NKAIN3: variants seen among roughly 807,000 people sequenced by gnomAD.
The protein encoded by NKAIN3 is sodium/potassium-transporting ATPase subunit beta-1-interacting protein 3.
In NKAIN3, 25 loss-of-function variants were observed where a neutral mutation model predicts 30.2. The observed-to-expected ratio is 0.83, with a 90% CI of 0.60 to 1.16. NKAIN3 has a LOEUF of 1.16. Among genes scored for constraint, NKAIN3 ranks in the 50% most tolerant of loss-of-function variants. The pLI is 0.00. For missense variants in NKAIN3, 225 were observed against 254.1 expected (o/e 0.89, Z 0.78); for synonymous variants, 91 against 89.6 (o/e 1.02, Z -0.09).
intron 4 of NKAIN3, among the ~76,000 whole-genome samples, chr8:62,756,571 T>G (rs957864217): frequency 2.6e-5 from 4 of 152,198 alleles, no homozygotes; most frequent in African/African-American, 9.6e-5. Flanking sequence ...CAATCCACTG[T>G]ATATTTTATC....
intron 4 of NKAIN3, among the ~76,000 whole-genome samples, chr8:62,903,509 T>C (rs1182803510): frequency 6.6e-6 from 1 of 152,052 alleles, no homozygotes; most frequent in Non-Finnish European, 1.5e-5. Context: ...CAGATAGGCC[T>C]GGGTGACAGT....
At chr8:62,542,488 A>C (rs148379574) in intron 1 of NKAIN3, among the ~76,000 whole-genome samples, 86 of 152,310 alleles carry the variant, frequency 5.6e-4, no homozygotes, top group Non-Finnish European at 1.1e-3. Context: ...GTATACTCAG[A>C]ATTTAGAAGA....
intron 3 of NKAIN3, among the ~76,000 whole-genome samples, chr8:62,619,903 A>G (rs902033694): frequency 9.8e-5 from 15 of 152,286 alleles, no homozygotes; most frequent in African/African-American, 3.6e-4. Flanking sequence ...AACAGAAAGA[A>G]TATGCTATAT....
chr8:62,624,828 G>A (rs1803733667), intron 3 of NKAIN3, among the ~76,000 whole-genome samples: 1 of 143,688 alleles, frequency 7.0e-6, no homozygotes, highest in Non-Finnish European at 1.5e-5. Context: ...TCTCAGTTTT[G>A]GAAGTTTCTA....
chr8:62,943,362 T>C (rs1417880035), intron 5 of NKAIN3, among the ~76,000 whole-genome samples: 1 of 147,802 alleles, frequency 6.8e-6, no homozygotes, highest in East Asian at 1.9e-4. Context: ...CTTGCAAGAA[T>C]GGTCATAATT....
chr8:62,582,126 CCTTCCTTT>C lies in NKAIN3; in HGVS notation c.192+2458_192+2465del, dbSNP rs1275612431. Among the ~76,000 whole-genome samples, 149 of 86,836 alleles carry C rather than the reference CCTTCCTTT, an allele frequency of 1.7e-3. 1 individual carries two copies. Among genetic ancestry groups the C allele is most frequent in the African/African-American group, 5.4e-3 (142 of 26,436 alleles). The allele number at this position is 86,836 out of a possible 152,430, so 57.0% of individuals were successfully genotyped here. ...TTCCTTCCTTCTTTCCTTTTTCCTT[CCTTCCTTT>C]CTTCCTTCCTTCCTTCTTCTTTCCC... On this transcript the variant is annotated intron_variant, in intron 2 of 6. Coordinates refer to ENST00000623646, the MANE Select transcript of NKAIN3 (RefSeq NM_001304533.3).
At chr8:62,607,779 C>A (rs1281726934) in intron 3 of NKAIN3, among the ~76,000 whole-genome samples, 1 of 151,934 alleles carries the variant, frequency 6.6e-6, no homozygotes, top group Admixed American at 6.6e-5. Context: ...AGGATGACTG[C>A]TATTGAAAGA....
rs938969145 is a variant in NKAIN3 at position 62,976,292 on chromosome 8, T to C, written c.*10885T>C. On this transcript the variant is annotated 3_prime_UTR_variant, in exon 7 of 7. Coordinates refer to ENST00000623646, the MANE Select transcript of NKAIN3 (RefSeq NM_001304533.3). The stretch of plus-strand genomic sequence containing the variant: ...TAATACACACAATGGAGTGTTAAAG[T>C]CTCCCACTATTATTGTGTGGTAGTC... Among the ~76,000 whole-genome samples the C allele has an allele frequency of 2.6e-5, 4 of 152,142 alleles. No homozygotes were observed. The highest frequency in any genetic ancestry group is 5.9e-5 in the Non-Finnish European group (4 of 68,026).
In NKAIN3 at chr8:62,579,603, A is replaced by G. The variant is rs953101340; in HGVS notation, c.119A>G (p.Asn40Ser). 3 of 1,610,492 alleles carry G rather than the reference A, an allele frequency of 1.9e-6. No individual in the cohort carries two copies. The highest frequency in any genetic ancestry group is 2.5e-6 in the Non-Finnish European group (3 of 1,177,548). The change falls in exon 2 of 7, where the codon AAT becomes AGT. Residue 40 changes from asparagine (N) to serine (S), a missense_variant. Asn to Ser is a conservative substitution (Grantham distance 46, BLOSUM62 1). Transcript: ENST00000623646. ...TTCCAGTGGGCGCCTATTCTTGGAA[A>G]TTTTCTACACATAATAGTTGTCATA... ...LGFQWAPILG[N>S]FLHIIVVILG...
chr8:62,290,785 A>G (rs4593678), intron 1 of NKAIN3, among the ~76,000 whole-genome samples: 3 of 152,064 alleles, frequency 2.0e-5, no homozygotes, highest in East Asian at 1.9e-4. Context: ...TGCTTTTTCT[A>G]TTGATTGGAA....
At chr8:62,940,935 A>G (rs1445643152) in intron 5 of NKAIN3, among the ~76,000 whole-genome samples, 2 of 125,760 alleles carry the variant, frequency 1.6e-5, no homozygotes, top group Non-Finnish European at 3.6e-5. Flanking sequence ...AAATATATTG[A>G]AAAAAAAAAA....
At chr8:62,770,617 CG>C in intron 4 of NKAIN3, among the ~76,000 whole-genome samples, 1 of 152,146 alleles carries the variant, frequency 6.6e-6, no homozygotes, top group East Asian at 1.9e-4. Context: ...ATCACATTGG[CG>C]GTTAGGATTT....
chr8:62,785,159 C>G (rs1817475667), intron 4 of NKAIN3, among the ~76,000 whole-genome samples: 1 of 152,104 alleles, frequency 6.6e-6, no homozygotes, highest in Non-Finnish European at 1.5e-5. Context: ...AATTTGTACA[C>G]AAATGTTCAC....
intron 4 of NKAIN3, among the ~76,000 whole-genome samples, chr8:62,762,023 G>T (rs949383575): frequency 3.9e-5 from 6 of 152,144 alleles, no homozygotes; most frequent in Non-Finnish European, 4.4e-5. Flanking sequence ...ACTTCTCTTA[G>T]GAAGTAGCAT....
At position 62,713,255 on chromosome 8, in the gene NKAIN3, A is replaced by T. The variant is rs142931695; in HGVS notation, c.274-33677A>T. 6.5e-4 allele frequency among the ~76,000 whole-genome samples: 99 copies of T among 151,948 alleles called. 1 individual carries two copies. The highest frequency in any genetic ancestry group is 2.1e-3 in the African/African-American group (87 of 41,418). ...GTCAGCTTCTTGGTTTTTATTTTTG[A>T]CTCTCATAGCATATGACAAAAGCTT... On this transcript the variant is annotated intron_variant, in intron 3 of 6. Coordinates refer to ENST00000623646, the MANE Select transcript of NKAIN3 (RefSeq NM_001304533.3).
At chr8:62,849,289 C>T (rs1212505221) in intron 4 of NKAIN3, among the ~76,000 whole-genome samples, 1 of 118,404 alleles carries the variant, frequency 8.4e-6, no homozygotes, top group Non-Finnish European at 1.7e-5. Flanking sequence ...TTCATCTGGT[C>T]CTGGGCTTTT....
chr8:62,483,804 GC>G (rs1806811333), intron 1 of NKAIN3: 1 of 229,898 alleles, frequency 4.3e-6, no homozygotes. Context: ...CCTGTTGGCT[GC>G]CCCCTTTCCC....
chr8:62,883,116 T>C (rs1052054290), intron 4 of NKAIN3, among the ~76,000 whole-genome samples: 1 of 152,156 alleles, frequency 6.6e-6, no homozygotes, highest in African/African-American at 2.4e-5. Flanking sequence ...GGGATTTTGA[T>C]TGGAATTTTG....
chr8:62,292,349 T>G (rs138530061), intron 1 of NKAIN3, among the ~76,000 whole-genome samples: 1,609 of 152,260 alleles, frequency 0.011, 27 homozygotes, highest in African/African-American at 0.035. Context: ...TTTACAATTT[T>G]GCATGTTTTT....
Sources: gnomAD v4.1 joint callset for allele counts (sites outside exome capture counted in the v4.1 genomes callset) on GRCh38, gnomAD v4.1.1 for gene constraint, MANE v1.5 for transcripts, NCBI Gene and HGNC (gene_info 2026-07-23, HGNC 2026-07-21) for gene names.